TAB1: variants seen among roughly 807,000 people sequenced by gnomAD.
TAB1 encodes the protein TGF-beta-activated kinase 1 and MAP3K7-binding protein 1.
A neutral mutation model predicts 54.5 loss-of-function variants in TAB1; 30 were observed. The observed-to-expected ratio is 0.55, with a 90% CI of 0.41 to 0.75. The LOEUF is 0.75. Among genes scored for constraint, TAB1 ranks in the 30% least tolerant of loss-of-function variants. The pLI, the probability that TAB1 is intolerant of heterozygous loss-of-function variation, is 0.00. For synonymous variants in TAB1, 289 were observed against 286.9 expected, an observed-to-expected ratio of 1.01 and a Z score of -0.07; for missense variants, 609 against 683.2, an observed-to-expected ratio of 0.89 and a Z score of 1.21.
Position 39,430,340 on chromosome 22 carries a change from C to A in TAB1, c.*118C>A. 6.6e-7 allele frequency: 1 copy of A among 1,525,792 alleles called. No individual in the cohort carries two copies. Among genetic ancestry groups the A allele is most frequent in the South Asian group, 1.2e-5 (1 of 80,612 alleles). 94.5% of individuals were successfully genotyped at this position (1,525,792 alleles called of 1,614,324 possible). A position where few individuals can be genotyped will look rare whatever the true frequency, so the allele number is the denominator to read the frequency against. On this transcript the variant is annotated 3_prime_UTR_variant, in exon 11 of 11. Transcript: ENST00000216160. ...CAGGTGCCCCATCCTCTGCCCACAG[C>A]AGACTCTGTCCCATGGCTCTCCGGG...
At chr22:39,404,774 G>C (rs1447026266) in intron 1 of TAB1, among the ~76,000 whole-genome samples, 1 of 152,188 alleles carries the variant, frequency 6.6e-6, no homozygotes, top group Non-Finnish European at 1.5e-5. Context: ...CACATTGGAA[G>C]TGCCAACAAT....
rs777144882 is a variant in TAB1, at chr22:39,416,784, C to T, written c.325-7C>T. ...ACCAGCCTTTGCCCTGTCCTGTGTC[C>T]CCCTAGGCCTTCGATGTGGTGGAGA... On this transcript the variant is annotated splice_region_variant and splice_polypyrimidine_tract_variant and intron_variant, in intron 3 of 10. Coordinates refer to ENST00000216160, the MANE Select transcript of TAB1 (RefSeq NM_006116.3). The T allele has an allele frequency of 2.5e-6, 4 of 1,614,042 alleles. No individual in the cohort carries two copies. Among genetic ancestry groups the T allele is most frequent in the East Asian group, 2.2e-5 (1 of 44,878 alleles).
In TAB1 at chr22:39,431,505, G is replaced by A. The variant is rs1438848122; in HGVS notation, c.*1283G>A. 130 of 985,446 alleles carry A rather than the reference G, an allele frequency of 1.3e-4. No homozygotes were observed. The highest frequency in any genetic ancestry group is 1.5e-4 in the Non-Finnish European group (127 of 830,060). The allele number at this position is 985,446 out of a possible 1,614,324, so 61.0% of individuals were successfully genotyped here. ...CCATGCCCCAGACCGGCCCACCAGG[G>A]ACTAGCCGCTGTCGCACAGCCTCTG... is the stretch of plus-strand genomic sequence containing the variant. On this transcript the variant is annotated 3_prime_UTR_variant, in exon 11 of 11. Coordinates refer to ENST00000216160, the MANE Select transcript of TAB1 (RefSeq NM_006116.3).
intron 1 of TAB1, among the ~76,000 whole-genome samples, chr22:39,414,152 G>A (rs1926725339): frequency 6.6e-6 from 1 of 152,192 alleles, no homozygotes; most frequent in African/African-American, 2.4e-5. Context: ...AGGGCCATCA[G>A]CCAGTCCTGG....
At chr22:39,416,077 A>G (rs931664559) in intron 3 of TAB1, among the ~76,000 whole-genome samples, 1 of 152,052 alleles carries the variant, frequency 6.6e-6, no homozygotes, top group African/African-American at 2.4e-5. Context: ...GCCCTCATTG[A>G]CTGGTTCCAC....
At chr22:39,424,364 G>A (rs777799396) in intron 8 of TAB1, among the ~76,000 whole-genome samples, 4 of 151,246 alleles carry the variant, frequency 2.6e-5, no homozygotes, top group Non-Finnish European at 5.9e-5. Context: ...TGCCCAGACT[G>A]CTGGATTGAA....
In TAB1 at chr22:39,419,526, T is replaced by G. The variant is rs17001096; in HGVS notation, c.672T>G (p.Asp224Glu). 3.1e-6 allele frequency: 5 copies of G among 1,607,872 alleles called. No homozygotes were observed. The African/African-American group carries it at 5.3e-5, about 17-fold the overall frequency. The change falls in exon 7 of 11, where the codon GAT becomes GAG. Residue 224 changes from aspartate to glutamate, a missense_variant. Asp to Glu is a conservative substitution (Grantham distance 45). Transcript: ENST00000216160. ...ELFRLSQLGLDAGKIKQVGII... is the reference protein window; with the variant it reads ...ELFRLSQLGLEAGKIKQVGII... ...CACTGTTTCCCTCCGTAGGCTTGGATGCTGGAAAGATCAAGCAGGTGGGGA... is the reference window on the plus strand; with the variant it reads ...CACTGTTTCCCTCCGTAGGCTTGGAGGCTGGAAAGATCAAGCAGGTGGGGA...
At chr22:39,419,443 A>G (rs1926976203) in intron 6 of TAB1, 76 bp from the exon 7 acceptor site, 1 of 1,246,754 alleles carries the variant, frequency 8.0e-7, no homozygotes, top group East Asian at 2.4e-5. Flanking sequence ...TCTTCCCATG[A>G]CTGTGTCTCT....
rs1927373209 is a variant in TAB1 at position 39,426,927 on chromosome 22, T to C, written c.1144+2T>C. The C allele has an allele frequency of 1.2e-6, 2 of 1,609,992 alleles. No individual in the cohort carries two copies. The highest frequency in any genetic ancestry group is 1.7e-6 in the Non-Finnish European group (2 of 1,179,540). On this transcript the variant is annotated splice_donor_variant, in intron 9 of 10. Coordinates refer to ENST00000216160, the MANE Select transcript of TAB1 (RefSeq NM_006116.3). LOFTEE classifies it high-confidence loss of function. ...AGCCCACACCGAGCCCAGCCCCAGG[T>C]ACGTGTGCTGTGCAGACAGGCAGTG...
At chr22:39,423,354 C>G (rs1927176491) in intron 8 of TAB1, among the ~76,000 whole-genome samples, 1 of 152,166 alleles carries the variant, frequency 6.6e-6, no homozygotes, top group Non-Finnish European at 1.5e-5. Context: ...CTTGTAATCC[C>G]AGGACTTTGG....
intron 1 of TAB1, among the ~76,000 whole-genome samples, chr22:39,408,564 G>A (rs1926475382): frequency 6.6e-6 from 1 of 151,960 alleles, no homozygotes. Flanking sequence ...AGTGGCGTGT[G>A]CGATCTCGGC....
At position 39,409,760 on chromosome 22, in the gene TAB1, A is replaced by G. The variant is rs575430757; in HGVS notation, c.34-5246A>G. Among the ~76,000 whole-genome samples, 16 of 152,142 alleles carry G rather than the reference A, an allele frequency of 1.1e-4. No individual in the cohort carries two copies. The East Asian group carries it at 2.5e-3, about 24-fold the overall frequency. Reference sequence around the variant, plus strand: ...ACCGCCCATCACGCTGTGTCCCATTACCATGGTGTGTTTTCTTCCTAGCAC... The same window carrying G: ...ACCGCCCATCACGCTGTGTCCCATTGCCATGGTGTGTTTTCTTCCTAGCAC... On this transcript the variant is annotated intron_variant, in intron 1 of 10. Coordinates refer to ENST00000216160, the MANE Select transcript of TAB1 (RefSeq NM_006116.3).
chr22:39,430,370 A>C lies in TAB1; in HGVS notation c.*148A>C. Reference sequence around the variant, plus strand: ...TCTGTCCCATGGCTCTCCGGGCAGTAGAGTGTGTGAGTGCAGACTGGACCT... The same window carrying C: ...TCTGTCCCATGGCTCTCCGGGCAGTCGAGTGTGTGAGTGCAGACTGGACCT... On this transcript the variant is annotated 3_prime_UTR_variant, in exon 11 of 11. Transcript: ENST00000216160. The C allele has an allele frequency of 6.8e-7, 1 of 1,476,522 alleles. No homozygotes were observed. Among genetic ancestry groups the C allele is most frequent in the Non-Finnish European group, 9.0e-7 (1 of 1,113,900 alleles). The allele number at this position is 1,476,522 out of a possible 1,614,324, so 91.5% of individuals were successfully genotyped here.
intron 10 of TAB1, 67 bp from the exon 11 acceptor site, chr22:39,429,948 C>T (rs1262728613): frequency 6.3e-7 from 1 of 1,595,880 alleles, no homozygotes. Context: ...GCCATTCTGT[C>T]CCCACTCTGC....
Position 39,424,416 on chromosome 22 carries a change from CCT to C in TAB1, c.922-2286_922-2285del, listed in dbSNP as rs1245491538. Among the ~76,000 whole-genome samples, 4 of 151,696 alleles carry C rather than the reference CCT, an allele frequency of 2.6e-5. No homozygotes were observed. In the South Asian group the frequency reaches 6.2e-4, roughly 24 times the overall value. The stretch of plus-strand genomic sequence containing the variant: ...AAAAGTCTCAAGTGCCTAACTATCC[CCT>C]GTTCCCTGTGTTCTGATTTCTTTTT... On this transcript the variant is annotated intron_variant, in intron 8 of 10. Coordinates refer to ENST00000216160, the MANE Select transcript of TAB1 (RefSeq NM_006116.3).
At chr22:39,408,133 A>C (rs567347180) in intron 1 of TAB1, among the ~76,000 whole-genome samples, 1 of 152,370 alleles carries the variant, frequency 6.6e-6, no homozygotes, top group South Asian at 2.1e-4. Context: ...AAAATAATAA[A>C]TTCCAGAAAT....
intron 8 of TAB1, among the ~76,000 whole-genome samples, chr22:39,424,582 C>T (rs554486812): frequency 6.6e-6 from 1 of 151,576 alleles, no homozygotes; most frequent in Non-Finnish European, 1.5e-5. Context: ...GTAGCTGGGA[C>T]TACAGGCATG....
intron 1 of TAB1, among the ~76,000 whole-genome samples, chr22:39,411,480 G>A (rs544732795): frequency 2.0e-5 from 3 of 152,294 alleles, no homozygotes; most frequent in South Asian, 2.1e-4. Flanking sequence ...AAATAAACAC[G>A]TGAAAGATAC....
At chr22:39,436,860 G>T, downstream of TAB1, 1 of 407,016 alleles carries the variant, frequency 2.5e-6, no homozygotes, top group East Asian at 4.5e-5. Context: ...TTGGTCTGCA[G>T]TGACTCTGGG....
Sources: allele counts gnomAD v4.1 joint callset (sites outside exome capture counted in the v4.1 genomes callset), GRCh38; gene constraint gnomAD v4.1.1; transcripts MANE v1.5; gene names NCBI Gene and HGNC (gene_info 2026-07-23, HGNC 2026-07-21).